The following TNFRSF8 variants were observed in gnomAD, a reference collection of about 807,000 sequenced individuals.
TNFRSF8 encodes the protein TNF receptor superfamily member 8.
Under a neutral mutation model 70.8 loss-of-function variants are expected in TNFRSF8, and 26 were observed. The ratio of observed to expected loss-of-function variants is 0.37; its 90% CI spans 0.27 to 0.51. TNFRSF8 has a LOEUF of 0.51. Among genes scored for constraint, TNFRSF8 ranks in the 20% least tolerant of loss-of-function variants. The pLI, the probability that TNFRSF8 is intolerant of heterozygous loss-of-function variation, is 0.94. For missense variants in TNFRSF8, 720 were observed against 807.9 expected (o/e 0.89, Z 1.32); for synonymous variants, 356 against 339.2 (o/e 1.05, Z -0.54).
intron 1 of TNFRSF8, among the ~76,000 whole-genome samples, chr1:12,076,354 C>G (rs530622701): frequency 6.6e-6 from 1 of 152,316 alleles, no homozygotes; most frequent in African/African-American, 2.4e-5. Flanking sequence ...CTTGCCTTGG[C>G]CTCCCAAAGT....
At chr1:12,140,088 A>G (rs1642224526) in intron 14 of TNFRSF8, among the ~76,000 whole-genome samples, 1 of 152,262 alleles carries the variant, frequency 6.6e-6, no homozygotes, top group African/African-American at 2.4e-5. Flanking sequence ...CACTGAGTAC[A>G]GTGCCTGGAA....
chr1:12,100,501 ATTTTC>A (rs1421425339), intron 3 of TNFRSF8, among the ~76,000 whole-genome samples: 1 of 152,042 alleles, frequency 6.6e-6, no homozygotes, highest in Non-Finnish European at 1.5e-5. Context: ...GTACAAAAAT[ATTTTC>A]TTTATAGCCT....
chr1:12,071,369 G>A (rs1462923686), intron 1 of TNFRSF8, among the ~76,000 whole-genome samples: 1 of 152,218 alleles, frequency 6.6e-6, no homozygotes, highest in Non-Finnish European at 1.5e-5. Flanking sequence ...AACCTGGGAG[G>A]CAGAGGTTGC....
intron 1 of TNFRSF8, chr1:12,080,514 T>C: frequency 2.1e-6 from 1 of 486,832 alleles, no homozygotes; most frequent in Admixed American, 2.3e-5. Context: ...AGCTTGTTTC[T>C]CCTGGGAACG....
chr1:12,071,950 G>A (rs1640855031), intron 1 of TNFRSF8, among the ~76,000 whole-genome samples: 1 of 152,140 alleles, frequency 6.6e-6, no homozygotes, highest in Non-Finnish European at 1.5e-5. Context: ...ACCCATTTTG[G>A]CCTCCCAGAG....
chr1:12,086,788 T>G (rs1185782687), intron 2 of TNFRSF8, among the ~76,000 whole-genome samples: 1 of 151,820 alleles, frequency 6.6e-6, no homozygotes, highest in Non-Finnish European at 1.5e-5. Flanking sequence ...TCGATCTCTC[T>G]CTCTCTTTCT....
At chr1:12,134,877 G>A (rs923651856) in intron 12 of TNFRSF8, among the ~76,000 whole-genome samples, 6 of 152,148 alleles carry the variant, frequency 3.9e-5, no homozygotes, top group Non-Finnish European at 5.9e-5. Flanking sequence ...TAAGGTGGGC[G>A]CAGCAGCCAC....
At chr1:12,089,459 C>G (rs1370376333) in intron 2 of TNFRSF8, among the ~76,000 whole-genome samples, 1 of 152,150 alleles carries the variant, frequency 6.6e-6, no homozygotes, top group Non-Finnish European at 1.5e-5. Context: ...CCTGTCCATC[C>G]CACTCGCAGG....
At chr1:12,091,984 G>A (rs920369079) in intron 2 of TNFRSF8, among the ~76,000 whole-genome samples, 9 of 152,062 alleles carry the variant, frequency 5.9e-5, no homozygotes, top group Non-Finnish European at 1.0e-4. Flanking sequence ...GGTAATGCTC[G>A]CTCACCGTCA....
chr1:12,103,573 G>A (rs564691061), intron 3 of TNFRSF8, among the ~76,000 whole-genome samples: 5 of 152,068 alleles, frequency 3.3e-5, no homozygotes, highest in African/African-American at 9.6e-5. Flanking sequence ...GGGCTCAAGC[G>A]ATCCTCCCGC....
intron 1 of TNFRSF8, among the ~76,000 whole-genome samples, chr1:12,069,367 C>T (rs144730770): frequency 0.021 from 3,086 of 150,282 alleles, 99 homozygotes; most frequent in African/African-American, 0.072. Flanking sequence ...TTATTAGAGA[C>T]GGGATTTCAC....
Position 12,119,758 on chromosome 1 carries a change from T to C in TNFRSF8, c.947-3526T>C, listed in dbSNP as rs1341453206. On this transcript the variant is annotated intron_variant, in intron 8 of 14. Transcript: ENST00000263932. The surrounding 1 kb of genome is among the most constrained non-coding windows in gnomAD (Gnocchi z 4.4). The stretch of plus-strand genomic sequence containing the variant: ...CTGAGATTACTGGCATGAGCCACCA[T>C]GACTGGCCGATTCTTGTACAAGTCT... Among the ~76,000 whole-genome samples the C allele has an allele frequency of 6.6e-6, 1 of 152,116 alleles. No homozygotes were observed. The highest frequency in any genetic ancestry group is 1.5e-5 in the Non-Finnish European group (1 of 68,020).
chr1:12,075,656 T>C (rs1036745847), intron 1 of TNFRSF8, among the ~76,000 whole-genome samples: 1 of 152,200 alleles, frequency 6.6e-6, no homozygotes, highest in Non-Finnish European at 1.5e-5. Flanking sequence ...GAGACGTATA[T>C]GAGCACATAT....
Position 12,119,992 on chromosome 1 carries a change from G to A in TNFRSF8, c.947-3292G>A, listed in dbSNP as rs1490157930. Among the ~76,000 whole-genome samples, 1 of 152,106 alleles carries A rather than the reference G, an allele frequency of 6.6e-6. No individual in the cohort carries two copies. Among genetic ancestry groups the A allele is most frequent in the East Asian group, 1.9e-4 (1 of 5,206 alleles). ...CAGGGATCCCAAGGGTCAGCCCAGA[G>A]TACTTCCACTGGAAGACACCACCCA... On this transcript the variant is annotated intron_variant, in intron 8 of 14. Coordinates refer to ENST00000263932, the MANE Select transcript of TNFRSF8 (RefSeq NM_001243.5). This position sits in a 1 kb window ranked among gnomAD's most constrained non-coding sequence, Gnocchi z 4.4.
intron 12 of TNFRSF8, among the ~76,000 whole-genome samples, chr1:12,135,315 C>CCAA (rs1553159316): frequency 1.1e-5 from 1 of 93,612 alleles, no homozygotes; most frequent in Non-Finnish European, 2.0e-5. Context: ...GACTCCATCT[C>CCAA]AAAAAAAAAA....
Position 12,141,915 on chromosome 1 carries a change from T to TG in TNFRSF8, c.1544-367dup, listed in dbSNP as rs1642260450. Among the ~76,000 whole-genome samples, 1 of 151,492 alleles carries TG rather than the reference T, an allele frequency of 6.6e-6. No individual in the cohort carries two copies. The highest frequency in any genetic ancestry group is 1.5e-5 in the Non-Finnish European group (1 of 67,840). On this transcript the variant is annotated intron_variant, in intron 14 of 14. Transcript: ENST00000263932. The surrounding 1 kb of genome is among the most constrained non-coding windows in gnomAD (Gnocchi z 5.4). Reference sequence around the variant, plus strand: ...TGCAGGAGGGCTGGGGACCCAGGAGTGGGGGTGTGGAAACTGCTCAGCTCT... The same window carrying TG: ...TGCAGGAGGGCTGGGGACCCAGGAGTGGGGGGTGTGGAAACTGCTCAGCTCT...
At chr1:12,085,973 T>C (rs1369634409) in intron 2 of TNFRSF8, among the ~76,000 whole-genome samples, 2 of 152,192 alleles carry the variant, frequency 1.3e-5, no homozygotes, top group Non-Finnish European at 2.9e-5. Context: ...GGAGTCTGTG[T>C]GTGTCTGGTT....
At chr1:12,139,710 C>T (rs1642218990) in intron 14 of TNFRSF8, among the ~76,000 whole-genome samples, 1 of 152,244 alleles carries the variant, frequency 6.6e-6, no homozygotes. Context: ...ACAGTGGTGG[C>T]CAGAACTCTT....
rs1272430324 is a variant in TNFRSF8, at chr1:12,119,757, A to G, written c.947-3527A>G. Among the ~76,000 whole-genome samples, 1 of 152,048 alleles carries G rather than the reference A, an allele frequency of 6.6e-6. No homozygotes were observed. Among genetic ancestry groups the G allele is most frequent in the East Asian group, 1.9e-4 (1 of 5,186 alleles). The stretch of plus-strand genomic sequence containing the variant: ...GCTGAGATTACTGGCATGAGCCACC[A>G]TGACTGGCCGATTCTTGTACAAGTC... On this transcript the variant is annotated intron_variant, in intron 8 of 14. Transcript: ENST00000263932. The surrounding 1 kb of genome is among the most constrained non-coding windows in gnomAD (Gnocchi z 4.4).
Sources: gnomAD v4.1 joint callset for allele counts (sites outside exome capture counted in the v4.1 genomes callset) on GRCh38, gnomAD v4.1.1 for gene constraint, Gnocchi (gnomAD v3.1) non-coding constraint, MANE v1.5 for transcripts, NCBI Gene and HGNC (gene_info 2026-07-23, HGNC 2026-07-21) for gene names.